Variants in MPRIP observed in about 807,000 individuals in gnomAD.
MPRIP encodes the protein myosin phosphatase Rho interacting protein, also known as myosin phosphatase Rho-interacting protein.
A neutral mutation model predicts 234.9 loss-of-function variants in MPRIP; 59 were observed. The ratio of observed to expected loss-of-function variants is 0.25; its 90% CI spans 0.20 to 0.31. MPRIP has a LOEUF of 0.31. Among genes scored for constraint, MPRIP ranks in the 10% least tolerant of loss-of-function variants. The pLI is 1.00. For missense variants in MPRIP, 2,436 were observed against 3,071.0 expected (o/e 0.79, Z 4.89); for synonymous variants, 1,144 against 1,263.9 (o/e 0.91, Z 2.01).
At chr17:17,155,829 G>A (rs999281253) in intron 13 of MPRIP, among the ~76,000 whole-genome samples, 1 of 152,242 alleles carries the variant, frequency 6.6e-6, no homozygotes, top group African/African-American at 2.4e-5. Context: ...CAGAGCTGCA[G>A]CAAGCTCTCC....
intron 1 of MPRIP, among the ~76,000 whole-genome samples, chr17:17,046,836 A>G (rs2088368266): frequency 6.6e-6 from 1 of 152,252 alleles, no homozygotes; most frequent in South Asian, 2.1e-4. Flanking sequence ...GCAGCCGTAG[A>G]CAACACATTA....
At chr17:17,168,627 A>G in intron 16 of MPRIP, 1 of 350,422 alleles carries the variant, frequency 2.9e-6, no homozygotes, top group South Asian at 2.1e-5. Flanking sequence ...GTGGAGGCCC[A>G]GCTGTCTGGC....
chr17:17,050,244 G>C (rs2088492429), intron 1 of MPRIP, among the ~76,000 whole-genome samples: 1 of 149,710 alleles, frequency 6.7e-6, no homozygotes, highest in Non-Finnish European at 1.5e-5. Flanking sequence ...GAACCCGGGA[G>C]GCGGAGCTTG....
chr17:17,117,460 T>A (rs887141211), intron 3 of MPRIP, among the ~76,000 whole-genome samples: 1 of 152,238 alleles, frequency 6.6e-6, no homozygotes, highest in African/African-American at 2.4e-5. Context: ...AGTCACACAG[T>A]GTGTGTCCTT....
chr17:17,116,159 A>T (rs2090282046), intron 3 of MPRIP, among the ~76,000 whole-genome samples: 1 of 152,194 alleles, frequency 6.6e-6, no homozygotes, highest in African/African-American at 2.4e-5. Context: ...GTGCTGACCT[A>T]GGTGTATAGA....
At chr17:17,109,925 T>TA (rs1434206270) in intron 3 of MPRIP, among the ~76,000 whole-genome samples, 1 of 152,096 alleles carries the variant, frequency 6.6e-6, no homozygotes, top group Non-Finnish European at 1.5e-5. Flanking sequence ...AGCAACAAAA[T>TA]AAATACTGTA....
intron 3 of MPRIP, among the ~76,000 whole-genome samples, chr17:17,106,422 C>G (rs954538532): frequency 6.6e-6 from 1 of 152,208 alleles, no homozygotes. Flanking sequence ...AACCTGTGAT[C>G]TTGAAAGAGT....
chr17:17,165,063 A>C lies in MPRIP; in HGVS notation c.3472A>C (p.Ser1158Arg), dbSNP rs2045954404. 7.7e-7 allele frequency: 1 copy of C among 1,302,880 alleles called. No individual in the cohort carries two copies. The highest frequency in any genetic ancestry group is 2.3e-5 in the Admixed American group (1 of 43,550). 80.7% of individuals were successfully genotyped at this position (1,302,880 alleles called of 1,614,324 possible). ...CCAGAGGGTCTCCAGCCAGCTGCAG[A>C]GCATGCACACTCTGCTGAGAGAGAA... ...SYQRVSSQLQSMHTLLREKEE... is the reference protein window; with the variant it reads ...SYQRVSSQLQRMHTLLREKEE... The change falls in exon 16 of 24, where the codon AGC (serine) becomes CGC (arginine). Residue 1158 changes from serine (S) to arginine (R), a missense_variant. Physicochemically the swap from Ser to Arg is moderately radical, Grantham distance 110. Around this residue, in one of 4 missense-constraint regions of MPRIP, gnomAD observed 1,998 missense variants for 2,520.3 expected, o/e 0.79. Coordinates refer to ENST00000651222, the MANE Select transcript of MPRIP (RefSeq NM_001364716.4).
intron 15 of MPRIP, among the ~76,000 whole-genome samples, chr17:17,161,825 C>T (rs2045877451): frequency 6.6e-6 from 1 of 152,218 alleles, no homozygotes; most frequent in African/African-American, 2.4e-5. Flanking sequence ...ACCCCATTCC[C>T]ATCTGTTTCT....
chr17:17,115,068 G>A (rs772714566), intron 3 of MPRIP, among the ~76,000 whole-genome samples: 8 of 152,276 alleles, frequency 5.3e-5, no homozygotes, highest in South Asian at 2.1e-4. Context: ...AGGCTGGGGC[G>A]AGGCCCACAC....
rs775624676 is a variant in MPRIP, at chr17:17,078,064, C to A, written c.255C>A (p.Ala85=). The A allele has an allele frequency of 6.2e-7, 1 of 1,614,176 alleles. No individual in the cohort carries two copies. Among genetic ancestry groups the A allele is most frequent in the Non-Finnish European group, 8.5e-7 (1 of 1,180,034 alleles). Residue 85 remains alanine (A), a synonymous_variant, in exon 3 of 24, where the codon GCC becomes GCA. Transcript: ENST00000651222. The surrounding 1 kb of genome is among the most constrained non-coding windows in gnomAD (Gnocchi z 4.3). ...ACGAGCACGGCCTCTTGCGCTACGC[C>A]CTGGATGAGATGGTAAGTGTTATCC... ...ILYEHGLLRY[A]LDEMPTTLPQ... is the part of the protein sequence containing the mutation.
chr17:17,115,883 G>A (rs771341101), intron 3 of MPRIP, among the ~76,000 whole-genome samples: 7 of 152,102 alleles, frequency 4.6e-5, no homozygotes, highest in Non-Finnish European at 7.4e-5. Flanking sequence ...ATTCCTCAGG[G>A]GCCTGCATCT....
intron 1 of MPRIP, among the ~76,000 whole-genome samples, chr17:17,048,430 AT>A (rs2088426038): frequency 6.6e-6 from 1 of 152,148 alleles, no homozygotes; most frequent in South Asian, 2.1e-4. Context: ...GGACTTCCTG[AT>A]TTGACTTAAT....
At chr17:17,132,723 G>T (rs2090621717) in intron 5 of MPRIP, among the ~76,000 whole-genome samples, 1 of 152,198 alleles carries the variant, frequency 6.6e-6, no homozygotes, top group Admixed American at 6.5e-5. Context: ...TCAGCCCATG[G>T]TCATCCACCC....
intron 23 of MPRIP, chr17:17,180,717 G>C: frequency 6.6e-7 from 1 of 1,508,006 alleles, no homozygotes; most frequent in East Asian, 2.3e-5. Context: ...CACCCCCATG[G>C]CAAACGCCTG....
Position 17,164,248 on chromosome 17 carries a change from G to A in MPRIP, c.2657G>A (p.Gly886Glu), listed in dbSNP as rs1286045157. ...ATTCAGACCCTGAAGCGTAGCTATG[G>A]GGAGGCCAAGGACACGATCCGGCAC... The part of the protein sequence containing the change: ...HQIQTLKRSY[G>E]EAKDTIRHHE... The change falls in exon 16 of 24, where the codon GGG (glycine) becomes GAG (glutamate). Residue 886 changes from glycine (G) to glutamate (E), a missense_variant. Transcript: ENST00000651222. 7.7e-7 allele frequency: 1 copy of A among 1,304,218 alleles called. No individual in the cohort carries two copies. Among genetic ancestry groups the A allele is most frequent in the Admixed American group, 2.3e-5 (1 of 43,554 alleles). The allele number at this position is 1,304,218 out of a possible 1,614,324, so 80.8% of individuals were successfully genotyped here.
chr17:17,173,395 A>G (rs1044830403), intron 18 of MPRIP, among the ~76,000 whole-genome samples: 7 of 152,238 alleles, frequency 4.6e-5, no homozygotes, highest in African/African-American at 1.7e-4. Flanking sequence ...AGCTGGCAGC[A>G]GTCAGCAGCA....
chr17:17,100,547 C>T (rs924715212), intron 3 of MPRIP, among the ~76,000 whole-genome samples: 7 of 152,078 alleles, frequency 4.6e-5, no homozygotes, highest in South Asian at 2.1e-4. Flanking sequence ...GAGTGGCAGG[C>T]GAGCTAGCAT....
intron 3 of MPRIP, among the ~76,000 whole-genome samples, chr17:17,105,960 A>G (rs1232833156): frequency 1.3e-5 from 2 of 152,240 alleles, no homozygotes; most frequent in Non-Finnish European, 2.9e-5. Flanking sequence ...GCAAGCCGTA[A>G]GACAAAAAAA....
Sources: allele counts gnomAD v4.1 joint callset (sites outside exome capture counted in the v4.1 genomes callset), GRCh38; gene constraint gnomAD v4.1.1; regional missense constraint gnomAD v4.1.1; non-coding constraint Gnocchi (gnomAD v3.1); transcripts MANE v1.5; gene names NCBI Gene and HGNC (gene_info 2026-07-23, HGNC 2026-07-21).